CNTN5: variants seen among roughly 807,000 people sequenced by gnomAD.
CNTN5 encodes contactin 5.
In CNTN5, 77 loss-of-function variants were observed where a neutral mutation model predicts 129.1. The ratio of observed to expected loss-of-function variants is 0.60; its 90% CI spans 0.50 to 0.72. The LOEUF is 0.72. CNTN5 is among the 30% of genes least tolerant of loss of function. The pLI, the probability that CNTN5 is intolerant of heterozygous loss-of-function variation, is 0.00. For missense variants in CNTN5, 1,478 were observed against 1,328.8 expected, an observed-to-expected ratio of 1.11 and a Z score of -1.75; for synonymous variants, 509 against 465.6, an observed-to-expected ratio of 1.09 and a Z score of -1.20.
intron 10 of CNTN5, among the ~76,000 whole-genome samples, chr11:100,069,358 C>T (rs1022172825): frequency 2.6e-5 from 4 of 151,796 alleles, no homozygotes; most frequent in African/African-American, 9.7e-5. Context: ...AAGGTCTCAC[C>T]ATGTTGCCCG....
intron 3 of CNTN5, among the ~76,000 whole-genome samples, chr11:99,716,798 G>C (rs1007601651): frequency 6.6e-6 from 1 of 152,032 alleles, no homozygotes; most frequent in African/African-American, 2.4e-5. Context: ...TATGTTAGTA[G>C]AATGCCTAAA....
chr11:99,199,474 C>A (rs1413616612), intron 1 of CNTN5, among the ~76,000 whole-genome samples: 2 of 152,142 alleles, frequency 1.3e-5, no homozygotes, highest in South Asian at 4.2e-4. Context: ...TGCTTTAAAA[C>A]AACAACCCGA....
At chr11:99,947,902 C>A (rs1950587947) in intron 7 of CNTN5, among the ~76,000 whole-genome samples, 1 of 152,142 alleles carries the variant, frequency 6.6e-6, no homozygotes, top group African/African-American at 2.4e-5. Context: ...GTTTTAAATA[C>A]CTGCCTTATG....
chr11:99,060,825 A>G lies in CNTN5; in HGVS notation c.-210+39555A>G, dbSNP rs376608369. 4.0e-4 allele frequency among the ~76,000 whole-genome samples: 61 copies of G among 152,270 alleles called. No individual in the cohort carries two copies. In the East Asian group the frequency reaches 6.2e-3, roughly 15 times the overall value. Reference sequence around the variant, plus strand: ...AAAATAAACAAAAATCTGACTCAAAAGCTCTTCAAAGTGATATGTCTTCAG... The same window carrying G: ...AAAATAAACAAAAATCTGACTCAAAGGCTCTTCAAAGTGATATGTCTTCAG... On this transcript the variant is annotated intron_variant, in intron 1 of 24. Transcript: ENST00000524871.
intron 8 of CNTN5, among the ~76,000 whole-genome samples, chr11:99,975,024 G>C (rs1937851153): frequency 6.6e-6 from 1 of 152,242 alleles, no homozygotes; most frequent in Non-Finnish European, 1.5e-5. Flanking sequence ...TGGGCAACTT[G>C]CAAATGATTC....
At chr11:99,916,842 G>A (rs1330713673) in intron 7 of CNTN5, among the ~76,000 whole-genome samples, 1 of 152,052 alleles carries the variant, frequency 6.6e-6, no homozygotes, top group East Asian at 1.9e-4. Flanking sequence ...AGAGTGACCA[G>A]CATCAGTTAA....
rs138669673 is a variant in CNTN5, at chr11:99,244,122, G to C, written c.-209-81224G>C. The stretch of plus-strand genomic sequence containing the variant: ...CATAGAATGTTTTTTCCATTTGTTT[G>C]TGTCACCTATTATTTCTTTTAGCAG... On this transcript the variant is annotated intron_variant, in intron 1 of 24. Coordinates refer to ENST00000524871, the MANE Select transcript of CNTN5 (RefSeq NM_014361.4). Among the ~76,000 whole-genome samples the C allele has an allele frequency of 7.9e-5, 12 of 152,090 alleles. No homozygotes were observed. In the East Asian group the frequency reaches 2.3e-3, roughly 29 times the overall value.
At chr11:99,308,833 AT>A (rs142177174) in intron 1 of CNTN5, among the ~76,000 whole-genome samples, 4,919 of 151,822 alleles carry the variant, frequency 0.032, 113 homozygotes, top group Middle Eastern at 0.068. Flanking sequence ...TCTCATTCTT[AT>A]TTTTTCCTCC....
chr11:99,796,675 C>T (rs930868665), intron 3 of CNTN5, among the ~76,000 whole-genome samples: 3 of 151,982 alleles, frequency 2.0e-5, no homozygotes, highest in Admixed American at 1.3e-4. Flanking sequence ...GGTCCTATCT[C>T]GGGGCAGGAT....
At chr11:99,561,111 G>A (rs1948827966) in intron 3 of CNTN5, among the ~76,000 whole-genome samples, 1 of 152,054 alleles carries the variant, frequency 6.6e-6, no homozygotes, top group African/African-American at 2.4e-5. Context: ...CTAGGACTGG[G>A]CCAAGAAATA....
intron 1 of CNTN5, among the ~76,000 whole-genome samples, chr11:99,117,114 A>C (rs1323738735): frequency 6.6e-6 from 1 of 152,192 alleles, no homozygotes; most frequent in Non-Finnish European, 1.5e-5. Flanking sequence ...TCAAGAAGGA[A>C]GAATTGGTTC....
chr11:99,127,981 AATG>A (rs1251658226), intron 1 of CNTN5, among the ~76,000 whole-genome samples: 1 of 152,210 alleles, frequency 6.6e-6, no homozygotes, highest in Non-Finnish European at 1.5e-5. Context: ...AGATTGAATT[AATG>A]ATGAGCAATA....
chr11:99,107,206 T>C (rs949806200), intron 1 of CNTN5, among the ~76,000 whole-genome samples: 1 of 152,134 alleles, frequency 6.6e-6, no homozygotes, highest in Admixed American at 6.5e-5. Context: ...AAGAGAAATA[T>C]GTTACAACCT....
intron 6 of CNTN5, among the ~76,000 whole-genome samples, chr11:99,846,169 AACATTTCTAAAGT>A (rs1200144789): frequency 1.6e-5 from 2 of 126,726 alleles, no homozygotes; most frequent in African/African-American, 3.2e-5. Flanking sequence ...CACGAATATA[AACATTTCTAAAGT>A]AGATAATACA....
chr11:99,182,530 G>A (rs950489293), intron 1 of CNTN5, among the ~76,000 whole-genome samples: 5 of 152,064 alleles, frequency 3.3e-5, no homozygotes, highest in African/African-American at 1.2e-4. Context: ...TCTTAGAGGA[G>A]CTCTGCAATG....
chr11:99,778,600 A>G (rs1398370888), intron 3 of CNTN5, among the ~76,000 whole-genome samples: 1 of 151,756 alleles, frequency 6.6e-6, no homozygotes, highest in African/African-American at 2.4e-5. Flanking sequence ...CATTGTGATT[A>G]TGTGTCAGGA....
chr11:99,640,906 C>G (rs1359363251), intron 3 of CNTN5, among the ~76,000 whole-genome samples: 2 of 152,192 alleles, frequency 1.3e-5, no homozygotes, highest in Non-Finnish European at 2.9e-5. Flanking sequence ...CTCTTGTTCT[C>G]AAAGATTTGG....
At chr11:99,153,117 G>A (rs1489379711) in intron 1 of CNTN5, among the ~76,000 whole-genome samples, 1 of 152,144 alleles carries the variant, frequency 6.6e-6, no homozygotes, top group Non-Finnish European at 1.5e-5. Context: ...ATGACTATGT[G>A]TCTTGGGGAT....
At chr11:100,182,542 G>C (rs532263073) in intron 13 of CNTN5, among the ~76,000 whole-genome samples, 2 of 152,130 alleles carry the variant, frequency 1.3e-5, no homozygotes, top group Non-Finnish European at 2.9e-5. Context: ...TAAACATCCA[G>C]ATCATAGAAG....
Sources: gnomAD v4.1 joint callset for allele counts (sites outside exome capture counted in the v4.1 genomes callset) on GRCh38, gnomAD v4.1.1 for gene constraint, MANE v1.5 for transcripts, NCBI Gene and HGNC (gene_info 2026-07-23, HGNC 2026-07-21) for gene names.